Variants in CDH18 observed in about 807,000 individuals in gnomAD.
The protein encoded by CDH18 is cadherin-18.
CDH18 carries 31 observed loss-of-function variants against 67.9 expected under a neutral mutation model. That is an observed-to-expected ratio of 0.46 (90% CI 0.34 to 0.62). CDH18 has a LOEUF of 0.62. CDH18 is among the 20% of genes least tolerant of loss of function. The pLI, the probability that CDH18 is intolerant of heterozygous loss-of-function variation, is 0.01. For missense variants in CDH18, 890 were observed against 975.5 expected, an observed-to-expected ratio of 0.91 and a Z score of 1.17; for synonymous variants, 362 against 347.2, an observed-to-expected ratio of 1.04 and a Z score of -0.48.
rs371439492 is a variant in CDH18, at chr5:19,973,333, G to A, written c.-257+7727C>T. 6.9e-4 allele frequency among the ~76,000 whole-genome samples: 105 copies of A among 152,254 alleles called. No homozygotes were observed. In the South Asian group the frequency reaches 0.016, roughly 23 times the overall value. On this transcript the variant is annotated intron_variant, in intron 2 of 12. Coordinates refer to ENST00000382275, the MANE Select transcript of CDH18 (RefSeq NM_004934.5). ...AGTGCAAAAGGTAGGCTTCAGGAAT[G>A]CAGGTAATATTCCATTTTGTAAGAG...
At position 19,483,409 on chromosome 5, in the gene CDH18, C is replaced by T. The variant is rs544232876; in HGVS notation, c.1774G>A (p.Glu592Lys). ...CAGGTCCGCACACGCCCATCTCTCTCGCATGCACAAACCCTGATGGTGAGG... is the reference window on the plus strand; with the variant it reads ...CAGGTCCGCACACGCCCATCTCTCTTGCATGCACAAACCCTGATGGTGAGG... ...STLTIRVCAC[E>K]RDGRVRTCHA... Residue 592 changes from glutamate (E) to lysine (K), a missense_variant, in exon 12 of 13, where the codon GAG becomes AAG. Transcript: ENST00000382275. The T allele has an allele frequency of 3.6e-5, 58 of 1,614,074 alleles. No individual in the cohort carries two copies. In the South Asian group the frequency reaches 5.3e-4, roughly 15 times the overall value.
At chr5:19,584,090 GGCT>G (rs1410515678) in intron 7 of CDH18, among the ~76,000 whole-genome samples, 5 of 152,150 alleles carry the variant, frequency 3.3e-5, no homozygotes, top group Non-Finnish European at 7.4e-5. Context: ...CTTTGAGAAA[GGCT>G]GCTAAGGAGA....
rs956281043 is a variant in CDH18, at chr5:19,808,327, AAC to A, written c.228+30430_228+30431del. On this transcript the variant is annotated intron_variant, in intron 3 of 12. Transcript: ENST00000382275. ...AACAAAACAACAACAACAAAAAAAA[AAC>A]AAAAATAAAACTGAATGTATTTGAA... 1.8e-3 allele frequency among the ~76,000 whole-genome samples: 262 copies of A among 149,250 alleles called. 2 individuals carry two copies. In the East Asian group the frequency reaches 0.024, roughly 13 times the overall value.
At chr5:19,570,025 T>TA (rs1455589269) in intron 8 of CDH18, among the ~76,000 whole-genome samples, 2 of 152,154 alleles carry the variant, frequency 1.3e-5, no homozygotes, top group Admixed American at 1.3e-4. Flanking sequence ...ACAGCAAACT[T>TA]ATATCATGAC....
intron 5 of CDH18, among the ~76,000 whole-genome samples, chr5:19,715,322 T>C (rs1399615651): frequency 6.6e-6 from 1 of 152,156 alleles, no homozygotes; most frequent in South Asian, 2.1e-4. Flanking sequence ...ACGAAATTCA[T>C]TGAGGTCTTT....
intron 1 of CDH18, among the ~76,000 whole-genome samples, chr5:20,396,627 C>T (rs1745304029): frequency 1.4e-5 from 2 of 142,132 alleles, no homozygotes; most frequent in South Asian, 4.7e-4. Flanking sequence ...TATTCACAAA[C>T]ATTAGATTGG....
intron 1 of CDH18, among the ~76,000 whole-genome samples, chr5:20,424,787 A>G (rs1420206880): frequency 6.9e-6 from 1 of 145,164 alleles, no homozygotes; most frequent in Non-Finnish European, 1.5e-5. Context: ...GTGAACCAAG[A>G]TGGAGGAAAA....
intron 2 of CDH18, among the ~76,000 whole-genome samples, chr5:20,243,468 T>C (rs766298180): frequency 2.6e-5 from 4 of 152,136 alleles, no homozygotes; most frequent in East Asian, 1.9e-4. Flanking sequence ...TCTAAATAAA[T>C]TAGCATGAAT....
At position 20,305,087 on chromosome 5, in the gene CDH18, C is replaced by T. The variant is rs145342022; in HGVS notation, c.-579-49582G>A. On this transcript the variant is annotated intron_variant, in intron 1 of 14. Coordinates refer to the CDH18 transcript ENST00000507958. Reference sequence around the variant, plus strand: ...TTTGAAACTTTTTTATCAACCAAGGCGGTAGGGCCATTTGCAGCAAGAGAA... The same window carrying T: ...TTTGAAACTTTTTTATCAACCAAGGTGGTAGGGCCATTTGCAGCAAGAGAA... 1.0e-3 allele frequency: 1,638 copies of T among 1,576,268 alleles called. 15 individuals are homozygous for T. In the East Asian group the frequency reaches 0.032, roughly 31 times the overall value.
intron 3 of CDH18, among the ~76,000 whole-genome samples, chr5:19,797,661 A>G (rs1016615928): frequency 6.6e-6 from 1 of 152,058 alleles, no homozygotes; most frequent in Non-Finnish European, 1.5e-5. Context: ...GAAAATTACA[A>G]AATACTAATG....
chr5:19,537,396 T>C (rs1456812344), intron 9 of CDH18, among the ~76,000 whole-genome samples: 1 of 152,106 alleles, frequency 6.6e-6, no homozygotes, highest in African/African-American at 2.4e-5. Context: ...TCTTTCTCTA[T>C]TTATCAATCT....
At chr5:20,176,782 T>C (rs1390843811) in intron 2 of CDH18, among the ~76,000 whole-genome samples, 1 of 152,180 alleles carries the variant, frequency 6.6e-6, no homozygotes, top group Non-Finnish European at 1.5e-5. Context: ...ATTTAAATGG[T>C]GACTTGGAAG....
At chr5:19,513,026 G>T (rs1745366513) in intron 10 of CDH18, among the ~76,000 whole-genome samples, 1 of 151,912 alleles carries the variant, frequency 6.6e-6, no homozygotes, top group Non-Finnish European at 1.5e-5. Context: ...CATGAGAAGA[G>T]AATTTATTTG....
At chr5:19,632,642 G>A (rs1019632358) in intron 5 of CDH18, among the ~76,000 whole-genome samples, 14 of 151,984 alleles carry the variant, frequency 9.2e-5, no homozygotes, top group African/African-American at 1.9e-4. Flanking sequence ...TAAGGTATGC[G>A]CATAATTATG....
chr5:19,806,539 A>AT (rs1233272615), intron 3 of CDH18, among the ~76,000 whole-genome samples: 1 of 152,198 alleles, frequency 6.6e-6, no homozygotes, highest in Non-Finnish European at 1.5e-5. Context: ...AATGTCAAAG[A>AT]TTTATATCGT....
intron 7 of CDH18, among the ~76,000 whole-genome samples, chr5:19,586,717 T>C (rs1380371864): frequency 6.6e-6 from 1 of 152,208 alleles, no homozygotes; most frequent in Non-Finnish European, 1.5e-5. Flanking sequence ...CCTTTGGGTA[T>C]ATACCCAGTA....
chr5:20,473,867 T>C (rs972860412), intron 1 of CDH18, among the ~76,000 whole-genome samples: 3 of 152,138 alleles, frequency 2.0e-5, no homozygotes, highest in Non-Finnish European at 2.9e-5. Flanking sequence ...GTCCATGATA[T>C]TATTTACCAT....
intron 1 of CDH18, among the ~76,000 whole-genome samples, chr5:20,283,645 G>A (rs1331984674): frequency 6.6e-6 from 1 of 151,986 alleles, no homozygotes; most frequent in Non-Finnish European, 1.5e-5. Flanking sequence ...CCTTGTACAC[G>A]GTTGGTGGGA....
At chr5:20,335,154 C>T (rs73763364) in intron 1 of CDH18, among the ~76,000 whole-genome samples, 8,177 of 152,064 alleles carry the variant, frequency 0.054, 697 homozygotes, top group African/African-American at 0.18. Flanking sequence ...TCCTTCCTCC[C>T]TCATTATGCC....
Sources: allele counts gnomAD v4.1 joint callset (sites outside exome capture counted in the v4.1 genomes callset), GRCh38; gene constraint gnomAD v4.1.1; transcripts MANE v1.5; gene names NCBI Gene and HGNC (gene_info 2026-07-23, HGNC 2026-07-21).